SDK1: variants seen among roughly 807,000 people sequenced by gnomAD.
SDK1 encodes the protein protein sidekick-1.
A neutral mutation model predicts 245.5 loss-of-function variants in SDK1; 157 were observed. That is an observed-to-expected ratio of 0.64 (90% CI 0.56 to 0.73). The LOEUF (loss-of-function observed/expected upper bound fraction) is 0.73. SDK1 is among the 30% of genes least tolerant of loss of function. The probability of loss-of-function intolerance (pLI) is 0.00; values close to 1 mark genes in which losing one functional copy is unlikely to be tolerated. For synonymous variants in SDK1, 1,647 were observed against 1,278.5 expected, an observed-to-expected ratio of 1.29 and a Z score of -6.15; for missense variants, 3,583 against 3,002.3, an observed-to-expected ratio of 1.19 and a Z score of -4.52.
intron 1 of SDK1, among the ~76,000 whole-genome samples, chr7:3,403,021 G>A (rs990208072): frequency 1.3e-5 from 2 of 152,134 alleles, no homozygotes; most frequent in South Asian, 2.1e-4. Context: ...TGCAACCTCT[G>A]CCTCCCGGGT....
chr7:4,202,093 C>G (rs886880731), intron 35 of SDK1, among the ~76,000 whole-genome samples: 1 of 152,192 alleles, frequency 6.6e-6, no homozygotes, highest in Admixed American at 6.5e-5. Context: ...TTCTACTTTC[C>G]AGGAAACATC....
chr7:3,451,544 T>A (rs184020726), intron 1 of SDK1, among the ~76,000 whole-genome samples: 1 of 152,170 alleles, frequency 6.6e-6, no homozygotes, highest in Non-Finnish European at 1.5e-5. Context: ...GTCAGTGTTA[T>A]CAGCAGTAGA....
chr7:3,722,884 A>G (rs1299313303), intron 4 of SDK1, among the ~76,000 whole-genome samples: 3 of 152,208 alleles, frequency 2.0e-5, no homozygotes, highest in African/African-American at 7.2e-5. Context: ...CTCAGGACAT[A>G]TGCTTTCCCC....
At chr7:4,065,757 C>T (rs894334502) in intron 19 of SDK1, among the ~76,000 whole-genome samples, 2 of 113,672 alleles carry the variant, frequency 1.8e-5, no homozygotes, top group Non-Finnish European at 3.4e-5. Context: ...AAAAAAATTA[C>T]GACTTGTGTT....
chr7:3,496,200 G>A (rs1051286888), intron 1 of SDK1, among the ~76,000 whole-genome samples: 5 of 152,090 alleles, frequency 3.3e-5, no homozygotes, highest in African/African-American at 9.7e-5. Flanking sequence ...CTAGCAGTGG[G>A]ACCTGTCTCG....
chr7:3,492,073 GC>G (rs1718765697), intron 1 of SDK1, among the ~76,000 whole-genome samples: 1 of 152,116 alleles, frequency 6.6e-6, no homozygotes, highest in Non-Finnish European at 1.5e-5. Context: ...CGTTTTCAAA[GC>G]CAGATGTTAT....
In SDK1 at chr7:3,787,146, TCACACACACACACA is replaced by T. The variant is rs34838736; in HGVS notation, c.714-34276_714-34263del. 2.5e-4 allele frequency among the ~76,000 whole-genome samples: 35 copies of T among 137,744 alleles called. No homozygotes were observed. The East Asian group carries it at 3.2e-3, about 13-fold the overall frequency. The allele number at this position is 137,744 out of a possible 152,430, so 90.4% of individuals were successfully genotyped here. A position where few individuals can be genotyped will look rare whatever the true frequency, so the allele number is the denominator to read the frequency against. Reference sequence around the variant, plus strand: ...TTCCAGAAAAGACTTAGTATTGAAATCACACACACACACACACACACACACACACACACACACAC... The same window carrying T: ...TTCCAGAAAAGACTTAGTATTGAAATCACACACACACACACACACACACAC... On this transcript the variant is annotated intron_variant, in intron 4 of 44. Coordinates refer to ENST00000404826, the MANE Select transcript of SDK1 (RefSeq NM_152744.4).
intron 1 of SDK1, among the ~76,000 whole-genome samples, chr7:3,508,475 C>T (rs1782468331): frequency 6.6e-6 from 1 of 151,656 alleles, no homozygotes; most frequent in South Asian, 2.1e-4. Context: ...TTACAGCTGC[C>T]CGCCACCATG....
chr7:3,661,128 C>G (rs10485876), intron 4 of SDK1, among the ~76,000 whole-genome samples: 33,367 of 152,160 alleles, frequency 0.22, 4,527 homozygotes, highest in Non-Finnish European at 0.3. Flanking sequence ...AACCATTTAC[C>G]TGAGCTTTGT....
intron 1 of SDK1, among the ~76,000 whole-genome samples, chr7:3,574,013 C>G (rs1467609622): frequency 6.6e-6 from 1 of 152,050 alleles, no homozygotes; most frequent in Non-Finnish European, 1.5e-5. Context: ...ACTGTTTTCA[C>G]TTCGGTTCTG....
chr7:4,204,491 C>T (rs1297938056), intron 35 of SDK1, among the ~76,000 whole-genome samples: 1 of 150,588 alleles, frequency 6.6e-6, no homozygotes, highest in African/African-American at 2.5e-5. Context: ...GTGTTAATTA[C>T]TATTTTATTC....
At chr7:4,199,199 T>G (rs1783751258) in intron 35 of SDK1, among the ~76,000 whole-genome samples, 1 of 152,124 alleles carries the variant, frequency 6.6e-6, no homozygotes, top group African/African-American at 2.4e-5. Context: ...GTTAATGAGT[T>G]AGGGGCTGTG....
At chr7:3,378,633 CT>C (rs1781409767) in intron 1 of SDK1, among the ~76,000 whole-genome samples, 2 of 152,016 alleles carry the variant, frequency 1.3e-5, no homozygotes, top group African/African-American at 4.8e-5. Context: ...CTCTTTCATG[CT>C]GTTTGTTTAC....
intron 40 of SDK1, among the ~76,000 whole-genome samples, chr7:4,224,951 C>G (rs1239662692): frequency 1.6e-5 from 2 of 122,810 alleles, no homozygotes; most frequent in African/African-American, 3.1e-5. Context: ...CCACTGCACT[C>G]TAGCCTGGGC....
intron 2 of SDK1, among the ~76,000 whole-genome samples, chr7:3,637,289 G>C (rs1782490371): frequency 6.6e-6 from 1 of 152,136 alleles, no homozygotes; most frequent in South Asian, 2.1e-4. Context: ...TACAGACTGG[G>C]TTTCACCATG....
At chr7:3,333,483 T>A (rs1003099023) in intron 1 of SDK1, among the ~76,000 whole-genome samples, 4 of 152,176 alleles carry the variant, frequency 2.6e-5, no homozygotes, top group Non-Finnish European at 5.9e-5. Context: ...CCTGTCTGTG[T>A]CTCTCATTAT....
At chr7:3,899,161 G>C (rs931741576) in intron 5 of SDK1, among the ~76,000 whole-genome samples, 1 of 152,174 alleles carries the variant, frequency 6.6e-6, no homozygotes, top group African/African-American at 2.4e-5. Context: ...TCTTTGGAAA[G>C]CAAAGTTGTT....
chr7:3,658,500 C>T (rs1398165522), intron 4 of SDK1, among the ~76,000 whole-genome samples: 2 of 151,286 alleles, frequency 1.3e-5, no homozygotes, highest in Non-Finnish European at 2.9e-5. Flanking sequence ...AAAAAAAAAA[C>T]TTTATTGAGA....
intron 35 of SDK1, among the ~76,000 whole-genome samples, chr7:4,194,882 T>C (rs1288862630): frequency 6.6e-6 from 1 of 152,212 alleles, no homozygotes; most frequent in African/African-American, 2.4e-5. Context: ...CATCACAATG[T>C]ATAACTACAA....
Sources: allele counts gnomAD v4.1 joint callset (sites outside exome capture counted in the v4.1 genomes callset), GRCh38; gene constraint gnomAD v4.1.1; transcripts MANE v1.5; gene names NCBI Gene and HGNC (gene_info 2026-07-23, HGNC 2026-07-21).